The following OSBPL10 variants were observed in gnomAD, a reference collection of about 807,000 sequenced individuals.
OSBPL10 encodes oxysterol binding protein like 10.
In OSBPL10, 49 loss-of-function variants were observed where a neutral mutation model predicts 81.7. The observed-to-expected ratio is 0.60, with a 90% confidence interval of 0.48 to 0.76. OSBPL10 has a LOEUF of 0.76. Among genes scored for constraint, OSBPL10 ranks in the 30% least tolerant of loss-of-function variants. The pLI is 0.00. For synonymous variants in OSBPL10, 419 were observed against 383.6 expected (o/e 1.09, Z -1.08); for missense variants, 923 against 987.8 (o/e 0.93, Z 0.88).
chr3:32,018,017 G>A (rs563686353), intron 2 of OSBPL10, among the ~76,000 whole-genome samples: 3 of 152,060 alleles, frequency 2.0e-5, no homozygotes, highest in South Asian at 4.2e-4. Flanking sequence ...GCTTGGTGGC[G>A]GGCGCCTGTA....
intron 1 of OSBPL10, among the ~76,000 whole-genome samples, chr3:31,899,350 A>G (rs1442221447): frequency 6.6e-6 from 1 of 152,164 alleles, no homozygotes; most frequent in Non-Finnish European, 1.5e-5. Context: ...TAGAATATAA[A>G]CAAAAGAATA....
chr3:32,012,512 T>G (rs1007395918), intron 2 of OSBPL10, among the ~76,000 whole-genome samples: 1 of 152,156 alleles, frequency 6.6e-6, no homozygotes, highest in African/African-American at 2.4e-5. Flanking sequence ...AGTCCATCGA[T>G]GCTAGGAAGA....
chr3:31,923,646 C>A (rs768603295), intron 1 of OSBPL10, among the ~76,000 whole-genome samples: 2 of 152,014 alleles, frequency 1.3e-5, no homozygotes, highest in African/African-American at 4.8e-5. Flanking sequence ...TTAAAAATAG[C>A]TGATTTGGTG....
chr3:31,832,792 G>C (rs948878348), intron 3 of OSBPL10, among the ~76,000 whole-genome samples: 1 of 152,154 alleles, frequency 6.6e-6, no homozygotes, highest in African/African-American at 2.4e-5. Flanking sequence ...AGCTAGACAG[G>C]CAAGGCAGCA....
At chr3:31,989,355 T>C in intron 2 of OSBPL10, 1 of 1,614,156 alleles carries the variant, frequency 6.2e-7, no homozygotes, top group Non-Finnish European at 8.5e-7. Flanking sequence ...TAGAAAGACA[T>C]GAAAGTCATC....
At chr3:31,776,585 G>T (rs1434744078) in intron 4 of OSBPL10, among the ~76,000 whole-genome samples, 1 of 152,132 alleles carries the variant, frequency 6.6e-6, no homozygotes, top group African/African-American at 2.4e-5. Context: ...GATAAATGTG[G>T]TATATCCACA....
rs184067514 is a variant in OSBPL10 at position 31,924,117 on chromosome 3, C to A, written c.282-44287G>T. 2.5e-3 allele frequency among the ~76,000 whole-genome samples: 374 copies of A among 150,342 alleles called. 1 individual carries two copies. Among genetic ancestry groups the A allele is most frequent in the Non-Finnish European group, 3.5e-3 (235 of 67,774 alleles). On this transcript the variant is annotated intron_variant, in intron 1 of 11. Coordinates refer to ENST00000396556, the MANE Select transcript of OSBPL10 (RefSeq NM_017784.5). ...CCTGGAATCCCAGCTACTTGGGAGG[C>A]TGAGGCAAGGAGAATTGCTTGAACC... is the stretch of plus-strand genomic sequence containing the variant.
chr3:31,858,316 C>A (rs1200868379), intron 3 of OSBPL10, among the ~76,000 whole-genome samples: 3 of 152,004 alleles, frequency 2.0e-5, no homozygotes, highest in Admixed American at 6.6e-5. Context: ...TGTTTTTTAA[C>A]CTTTTCATCA....
intron 2 of OSBPL10, among the ~76,000 whole-genome samples, chr3:32,008,574 A>T (rs1178683300): frequency 0.022 from 3,348 of 151,940 alleles, 117 homozygotes; most frequent in African/African-American, 0.076. Context: ...CTACAAAAAA[A>T]AAAAGACAAA....
chr3:31,793,360 C>A (rs72861314), intron 4 of OSBPL10, among the ~76,000 whole-genome samples: 1 of 152,172 alleles, frequency 6.6e-6, no homozygotes, highest in Non-Finnish European at 1.5e-5. Context: ...GTTTGTATGA[C>A]CTCCTAGCAT....
chr3:31,715,439 G>A (rs1696401888), intron 6 of OSBPL10, among the ~76,000 whole-genome samples: 1 of 152,140 alleles, frequency 6.6e-6, no homozygotes, highest in African/African-American at 2.4e-5. Context: ...AATCTGGGCA[G>A]GAGCAATCCC....
intron 4 of OSBPL10, among the ~76,000 whole-genome samples, chr3:31,783,788 TTAAAAAAAAAAAAAA>T (rs1698768175): frequency 1.1e-4 from 2 of 18,904 alleles, no homozygotes; most frequent in African/African-American, 1.6e-4. Flanking sequence ...AAGACTCCGA[TTAAAAAAAAAAAAAA>T]AAAAAAAAAA....
intron 4 of OSBPL10, among the ~76,000 whole-genome samples, chr3:31,762,269 T>C (rs981765331): frequency 6.6e-6 from 1 of 152,172 alleles, no homozygotes; most frequent in Non-Finnish European, 1.5e-5. Flanking sequence ...ACATTTATCT[T>C]TCTCTTCTCA....
chr3:32,038,384 A>G (rs528967082), intron 2 of OSBPL10, among the ~76,000 whole-genome samples: 2 of 152,176 alleles, frequency 1.3e-5, no homozygotes, highest in African/African-American at 4.8e-5. Context: ...GCAATGGTGC[A>G]ATATTGGCTC....
At chr3:31,710,112 A>T (rs1206151783) in intron 6 of OSBPL10, among the ~76,000 whole-genome samples, 1 of 152,184 alleles carries the variant, frequency 6.6e-6, no homozygotes, top group East Asian at 1.9e-4. Flanking sequence ...AAGCTTGGAG[A>T]TCTGGCTGCA....
At chr3:32,023,118 T>C (rs1441534819) in intron 2 of OSBPL10, among the ~76,000 whole-genome samples, 1 of 152,164 alleles carries the variant, frequency 6.6e-6, no homozygotes, top group Non-Finnish European at 1.5e-5. Flanking sequence ...GCTTATCAAG[T>C]TGTTCATTTA....
intron 3 of OSBPL10, among the ~76,000 whole-genome samples, chr3:31,865,041 A>C (rs1323624413): frequency 1.3e-5 from 2 of 152,292 alleles, no homozygotes; most frequent in East Asian, 3.9e-4. Context: ...GTCCTAAAGA[A>C]GACCAGGACT....
At chr3:32,038,667 T>C (rs1206589128) in intron 2 of OSBPL10, among the ~76,000 whole-genome samples, 2 of 152,190 alleles carry the variant, frequency 1.3e-5, no homozygotes, top group Non-Finnish European at 2.9e-5. Context: ...AGTGCTTGTC[T>C]GAGGCTGAAG....
intron 8 of OSBPL10, among the ~76,000 whole-genome samples, chr3:31,672,002 C>T (rs940990291): frequency 7.9e-5 from 12 of 152,148 alleles, no homozygotes; most frequent in African/African-American, 2.9e-4. Flanking sequence ...TCCAGCTCAC[C>T]CCAGGCCTCA....
Sources: gnomAD v4.1 joint callset for allele counts (sites outside exome capture counted in the v4.1 genomes callset) on GRCh38, gnomAD v4.1.1 for gene constraint, MANE v1.5 for transcripts, NCBI Gene and HGNC (gene_info 2026-07-23, HGNC 2026-07-21) for gene names.